The following ROBO2 variants were observed in gnomAD, a reference collection of about 807,000 sequenced individuals.
The protein encoded by ROBO2 is roundabout homolog 2.
ROBO2 carries 53 observed loss-of-function variants against 160.8 expected under a neutral mutation model. The ratio of observed to expected loss-of-function variants is 0.33; its 90% CI spans 0.26 to 0.41. ROBO2 has a LOEUF of 0.41. Among genes scored for constraint, ROBO2 ranks in the 10% least tolerant of loss-of-function variants. The pLI is 1.00. For synonymous variants in ROBO2, 664 were observed against 611.7 expected (o/e 1.09, Z -1.26); for missense variants, 1,577 against 1,722.4 (o/e 0.92, Z 1.49).
rs142467400 is a variant in ROBO2, at chr3:77,426,678, CAGGAAGGAAGGAAGGAAGGAAGGA to C, written c.389-50702_389-50679del. 1.8e-3 allele frequency among the ~76,000 whole-genome samples: 213 copies of C among 119,966 alleles called. 1 individual carries two copies. The highest frequency in any genetic ancestry group is 9.0e-3 in the Middle Eastern group (2 of 222). 78.7% of individuals were successfully genotyped at this position (119,966 alleles called of 152,430 possible). A position where few individuals can be genotyped will look rare whatever the true frequency, so the allele number is the denominator to read the frequency against. Reference sequence around the variant, plus strand: ...AAAAGAATAGCTGATATCATTTGGTCAGGAAGGAAGGAAGGAAGGAAGGAAGGAAGGAAGGAAGGAAGGAAGGAA... The same window carrying C: ...AAAAGAATAGCTGATATCATTTGGTCAGGAAGGAAGGAAGGAAGGAAGGAA... On this transcript the variant is annotated intron_variant, in intron 2 of 25. Coordinates refer to ENST00000461745, the Ensembl canonical transcript of ROBO2.
At chr3:76,404,572 T>C (rs1403619704) in intron 2 of ROBO2, among the ~76,000 whole-genome samples, 1 of 151,366 alleles carries the variant, frequency 6.6e-6, no homozygotes, top group Non-Finnish European at 1.5e-5. Flanking sequence ...TTAATAAGGG[T>C]GAACTTTTTT....
intron 2 of ROBO2, among the ~76,000 whole-genome samples, chr3:76,612,646 G>A (rs761194538): frequency 6.6e-6 from 1 of 152,082 alleles, no homozygotes. Context: ...AAACCACCAT[G>A]GCACATGTAT....
At chr3:76,495,032 G>C (rs114171885) in intron 2 of ROBO2, among the ~76,000 whole-genome samples, 3,834 of 152,100 alleles carry the variant, frequency 0.025, 61 homozygotes, top group South Asian at 0.048. Flanking sequence ...CCTTTAAAAT[G>C]CTTAATTCCA....
chr3:76,274,607 G>T (rs1707809113), intron 2 of ROBO2, among the ~76,000 whole-genome samples: 1 of 152,050 alleles, frequency 6.6e-6, no homozygotes, highest in Admixed American at 6.6e-5. Flanking sequence ...GGGAGGCCGA[G>T]GTGGGTGGAT....
At chr3:76,091,288 C>T (rs1472109154) in intron 2 of ROBO2, among the ~76,000 whole-genome samples, 1 of 152,102 alleles carries the variant, frequency 6.6e-6, no homozygotes, top group Non-Finnish European at 1.5e-5. Flanking sequence ...ACCGACACCT[C>T]ACTAAAGAAG....
At chr3:76,557,799 T>A (rs1164034652) in intron 2 of ROBO2, among the ~76,000 whole-genome samples, 1 of 151,868 alleles carries the variant, frequency 6.6e-6, no homozygotes, top group Non-Finnish European at 1.5e-5. Context: ...AATTCTTTTC[T>A]TACCGAGTTC....
intron 2 of ROBO2, among the ~76,000 whole-genome samples, chr3:77,265,182 C>T (rs1244370269): frequency 2.0e-5 from 3 of 152,124 alleles, no homozygotes; most frequent in Non-Finnish European, 4.4e-5. Flanking sequence ...GGGCAGGTAT[C>T]ACATTATCCC....
intron 2 of ROBO2, among the ~76,000 whole-genome samples, chr3:77,381,003 C>A (rs2073381612): frequency 6.6e-6 from 1 of 152,072 alleles, no homozygotes; most frequent in South Asian, 2.1e-4. Flanking sequence ...ATTTCTAAAG[C>A]AGACATTTAG....
rs575050259 is a variant in ROBO2 at position 75,970,595 on chromosome 3, TTG to T, written c.109+32995_109+32996del. Among the ~76,000 whole-genome samples the T allele has an allele frequency of 4.0e-5, 6 of 151,704 alleles. No homozygotes were observed. In the South Asian group the frequency reaches 1.2e-3, roughly 31 times the overall value. ...ATTCCTCCTAAATTCTGTCTTAAAG[TTG>T]TTTGTAAGTAGAAGATTGAGTTTAT... On this transcript the variant is annotated intron_variant, in intron 2 of 26. Coordinates refer to the ROBO2 transcript ENST00000487694.
intron 2 of ROBO2, among the ~76,000 whole-genome samples, chr3:77,004,442 T>C (rs2061482652): frequency 6.6e-6 from 1 of 152,206 alleles, no homozygotes; most frequent in African/African-American, 2.4e-5. Flanking sequence ...AGACTGCAAC[T>C]GAAGCCATGC....
intron 2 of ROBO2, among the ~76,000 whole-genome samples, chr3:76,125,018 T>C (rs2070915372): frequency 1.3e-5 from 2 of 152,118 alleles, no homozygotes; most frequent in African/African-American, 4.8e-5. Context: ...TTCTAGCAGA[T>C]TGCAGTGTCT....
Position 77,135,761 on chromosome 3 carries a change from C to G in ROBO2, c.388+37421C>G, listed in dbSNP as rs550111367. Reference sequence around the variant, plus strand: ...CTGTAGAATGTTTCTGCCCTTTCTTCTCACTCACCTGAAGAATCTTGAAGC... The same window carrying G: ...CTGTAGAATGTTTCTGCCCTTTCTTGTCACTCACCTGAAGAATCTTGAAGC... On this transcript the variant is annotated intron_variant, in intron 2 of 25. Coordinates refer to ENST00000461745, the Ensembl canonical transcript of ROBO2. 2.6e-5 allele frequency among the ~76,000 whole-genome samples: 4 copies of G among 152,222 alleles called. No individual in the cohort carries two copies. In the South Asian group the frequency reaches 8.3e-4, roughly 32 times the overall value.
intron 2 of ROBO2, among the ~76,000 whole-genome samples, chr3:76,712,670 G>A (rs954530502): frequency 2.7e-4 from 41 of 150,744 alleles, no homozygotes; most frequent in African/African-American, 8.3e-4. Context: ...GTGAGATGCC[G>A]TCTCAAAAAA....
chr3:76,680,900 C>A (rs1485290018), intron 2 of ROBO2, among the ~76,000 whole-genome samples: 1 of 151,988 alleles, frequency 6.6e-6, no homozygotes, highest in East Asian at 1.9e-4. Flanking sequence ...CCTCAGCCTC[C>A]CGAGTAGCGG....
intron 24 of ROBO2, among the ~76,000 whole-genome samples, chr3:77,636,493 G>A (rs929571014): frequency 6.6e-6 from 1 of 152,096 alleles, no homozygotes; most frequent in Non-Finnish European, 1.5e-5. Flanking sequence ...TGAGGAGGCT[G>A]AGGCAGGAGA....
intron 2 of ROBO2, among the ~76,000 whole-genome samples, chr3:76,178,303 T>C (rs916908152): frequency 2.6e-5 from 4 of 152,100 alleles, no homozygotes; most frequent in African/African-American, 9.7e-5. Context: ...ATGAGCGTCA[T>C]ACAGCAATGC....
intron 2 of ROBO2, among the ~76,000 whole-genome samples, chr3:76,552,206 T>G (rs2083463239): frequency 6.6e-6 from 1 of 152,224 alleles, no homozygotes; most frequent in Admixed American, 6.5e-5. Flanking sequence ...AGGATACACA[T>G]AGGTTATATG....
chr3:77,521,722 C>T (rs1423138704), intron 5 of ROBO2, among the ~76,000 whole-genome samples: 1 of 151,206 alleles, frequency 6.6e-6, no homozygotes, highest in Non-Finnish European at 1.5e-5. Context: ...TTAGTTCATG[C>T]CTTAGCCTCT....
At chr3:76,602,759 A>C (rs555283175) in intron 2 of ROBO2, among the ~76,000 whole-genome samples, 13 of 152,094 alleles carry the variant, frequency 8.5e-5, no homozygotes, top group African/African-American at 3.1e-4. Context: ...TTACAATTCA[A>C]GATGAGATTT....
Sources: gnomAD v4.1 joint callset for allele counts (sites outside exome capture counted in the v4.1 genomes callset) on GRCh38, gnomAD v4.1.1 for gene constraint, MANE v1.5 for transcripts, NCBI Gene and HGNC (gene_info 2026-07-23, HGNC 2026-07-21) for gene names.